The following LY75 variants were observed in gnomAD, a reference collection of about 807,000 sequenced individuals.
LY75 encodes C-type lectin domain family 13 member B.
In LY75, 185 loss-of-function variants were observed where a neutral mutation model predicts 231.7. That is an observed-to-expected ratio of 0.80 (90% CI 0.71 to 0.90). The LOEUF (loss-of-function observed/expected upper bound fraction) is 0.90, where lower values mean the gene tolerates loss of function less well. Among genes scored for constraint, LY75 ranks in the 40% least tolerant of loss-of-function variants. LY75 has a pLI of 0.00. For missense variants in LY75, 1,947 were observed against 2,050.2 expected, an observed-to-expected ratio of 0.95 and a Z score of 0.97; for synonymous variants, 668 against 689.0, an observed-to-expected ratio of 0.97 and a Z score of 0.48.
intron 1 of LY75, among the ~76,000 whole-genome samples, 175 bp from the exon 2 acceptor site, chr2:159,899,234 G>A (rs1348200225): frequency 1.3e-5 from 2 of 152,202 alleles, no homozygotes; most frequent in East Asian, 3.8e-4. Context: ...AGGCAGTGCA[G>A]TGTGTAGGGT....
At chr2:159,848,366 AG>A (rs1213088555) in intron 23 of LY75, among the ~76,000 whole-genome samples, 3 of 152,050 alleles carry the variant, frequency 2.0e-5, no homozygotes, top group South Asian at 2.1e-4. Flanking sequence ...GAGGATGCAA[AG>A]GCATAAGAAT....
At chr2:159,831,818 C>G (rs201141565) in intron 27 of LY75, 32 bp from the exon 28 acceptor site, 2 of 1,553,100 alleles carry the variant, frequency 1.3e-6, no homozygotes, top group East Asian at 4.5e-5. Context: ...ATAATTTTAA[C>G]AATTACTTAT....
chr2:159,813,593 A>G (rs1683031483), intron 31 of LY75, among the ~76,000 whole-genome samples: 2 of 152,068 alleles, frequency 1.3e-5, no homozygotes, highest in Admixed American at 6.5e-5. Context: ...TGTCACTGCA[A>G]TCTCAGCCTT....
intron 13 of LY75, among the ~76,000 whole-genome samples, chr2:159,869,286 C>G (rs1684941899): frequency 6.6e-6 from 1 of 150,620 alleles, no homozygotes; most frequent in South Asian, 2.1e-4. Context: ...TACCCTAGAA[C>G]TTAAAGTATA....
At chr2:159,834,267 G>A (rs1465608882) in intron 26 of LY75, 56 bp from the exon 27 acceptor site, 36 of 1,599,614 alleles carry the variant, frequency 2.3e-5, no homozygotes, top group South Asian at 3.4e-5. Context: ...GTTAAATCCT[G>A]TTTGCAGTCA....
chr2:159,815,356 A>G, intron 31 of LY75, 49 bp downstream of exon 31: 3 of 1,541,256 alleles, frequency 1.9e-6, no homozygotes, highest in Non-Finnish European at 2.6e-6. Flanking sequence ...ATGTGCATAA[A>G]TTATGTCACA....
At chr2:159,808,297 A>T in intron 33 of LY75, 152 bp downstream of exon 33, 1 of 1,367,608 alleles carries the variant, frequency 7.3e-7, no homozygotes, top group Non-Finnish European at 9.8e-7. Flanking sequence ...TTCAAAATTT[A>T]TAACCATCCA....
intron 8 of LY75, among the ~76,000 whole-genome samples, 186 bp downstream of exon 8, chr2:159,880,897 C>G (rs1457610254): frequency 6.6e-6 from 1 of 152,148 alleles, no homozygotes; most frequent in Non-Finnish European, 1.5e-5. Context: ...CTTGCTTACC[C>G]GCCGCTCACC....
At chr2:159,868,312 A>C (rs1216184411) in intron 13 of LY75, among the ~76,000 whole-genome samples, 1 of 152,164 alleles carries the variant, frequency 6.6e-6, no homozygotes, top group Non-Finnish European at 1.5e-5. Context: ...CTGTTTTCTA[A>C]ATTCAATGTG....
chr2:159,855,751 A>T (rs570589479), intron 16 of LY75, among the ~76,000 whole-genome samples: 21 of 152,302 alleles, frequency 1.4e-4, no homozygotes, highest in African/African-American at 4.8e-4. Flanking sequence ...AGGCACAGGG[A>T]AGTTCCCCAT....
In LY75 at chr2:159,816,799, G is replaced by A; in HGVS notation, c.4380+7C>T. On this transcript the variant is annotated splice_region_variant and intron_variant, in intron 30 of 34. Coordinates refer to ENST00000263636, the MANE Select transcript of LY75 (RefSeq NM_002349.4). ...GAAAAGTTTCTGGAAAACGAAGCAA[G>A]ACTTACATCATGACTTGAGAGCCCA... The A allele has an allele frequency of 6.2e-7, 1 of 1,611,912 alleles. No individual in the cohort carries two copies. The highest frequency in any genetic ancestry group is 1.1e-5 in the South Asian group (1 of 90,866).
Position 159,838,949 on chromosome 2 carries a change from T to C in LY75, c.3507+1780A>G, listed in dbSNP as rs188098616. Among the ~76,000 whole-genome samples the C allele has an allele frequency of 5.4e-3, 821 of 152,138 alleles. 9 individuals are homozygous for C. The highest frequency in any genetic ancestry group is 0.019 in the African/African-American group (785 of 41,512). ...TAGCTGGGGTTACAGACGCCCGCCATGATACCCAGCTAATTTTTGTATTTT... is the reference window on the plus strand; with the variant it reads ...TAGCTGGGGTTACAGACGCCCGCCACGATACCCAGCTAATTTTTGTATTTT... On this transcript the variant is annotated intron_variant, in intron 25 of 34. Coordinates refer to ENST00000263636, the MANE Select transcript of LY75 (RefSeq NM_002349.4).
In LY75 at chr2:159,817,822, G is replaced by C. The variant is rs1415396495; in HGVS notation, c.4154-790C>G. 1.3e-3 allele frequency among the ~76,000 whole-genome samples: 204 copies of C among 152,050 alleles called. 1 individual carries two copies. The highest frequency in any genetic ancestry group is 3.5e-4 in the Non-Finnish European group (24 of 67,958). On this transcript the variant is annotated intron_variant, in intron 29 of 34. Transcript: ENST00000263636. ...CAGCATTTTGGGAGGCCAAGGCGGG[G>C]GGATCACCTGAGGTCAGGAGTTCAA... is the stretch of plus-strand genomic sequence containing the variant.
chr2:159,849,086 A>T (rs2125852915), intron 23 of LY75, among the ~76,000 whole-genome samples: 2 of 152,314 alleles, frequency 1.3e-5, no homozygotes, highest in South Asian at 4.1e-4. Flanking sequence ...TAACTTCCAC[A>T]TCTTCTATAA....
chr2:159,816,950 C>A lies in LY75; in HGVS notation c.4236G>T (p.Lys1412Asn). The stretch of plus-strand genomic sequence containing the variant: ...TGTTTAATGCTTCATACCATGTTAC[C>A]TTTTTTTGAATAACACTGTAAATAC... ...EDGIYSVIQK[K>N]VTWYEALNMC... The change falls in exon 30 of 35, where the codon AAG becomes AAT. Residue 1412 changes from lysine (K) to asparagine (N), a missense_variant. Transcript: ENST00000263636. The A allele has an allele frequency of 6.2e-7, 1 of 1,614,070 alleles. No individual in the cohort carries two copies. Among genetic ancestry groups the A allele is most frequent in the Non-Finnish European group, 8.5e-7 (1 of 1,179,992 alleles).
chr2:159,832,416 T>C (rs1683691387), intron 27 of LY75, among the ~76,000 whole-genome samples: 1 of 152,200 alleles, frequency 6.6e-6, no homozygotes, highest in Admixed American at 6.5e-5. Flanking sequence ...TAAGGTCTGA[T>C]GATCTGAGGT....
intron 12 of LY75, 52 bp downstream of exon 12, chr2:159,875,391 AG>A: frequency 1.9e-6 from 3 of 1,587,944 alleles, no homozygotes; most frequent in African/African-American, 1.3e-5. Flanking sequence ...GACATGAACA[AG>A]GGTAGTGGAA....
intron 29 of LY75, among the ~76,000 whole-genome samples, chr2:159,818,287 C>G (rs1159454592): frequency 1.3e-5 from 2 of 152,014 alleles, no homozygotes; most frequent in Non-Finnish European, 2.9e-5. Context: ...CAAACACTAC[C>G]TTGGGCCAGG....
At position 159,825,983 on chromosome 2, in the gene LY75, A is replaced by T. The variant is rs556353089; in HGVS notation, c.3958+5687T>A. ...AAATAATAAGAGCTATTCATGATAA[A>T]CCCACAGCCAGTATCATACTGAATG... is the stretch of plus-strand genomic sequence containing the variant. On this transcript the variant is annotated intron_variant, in intron 28 of 34. Coordinates refer to ENST00000263636, the MANE Select transcript of LY75 (RefSeq NM_002349.4). Among the ~76,000 whole-genome samples the T allele has an allele frequency of 6.6e-5, 10 of 152,302 alleles. No individual in the cohort carries two copies. In the East Asian group the frequency reaches 1.9e-3, roughly 29 times the overall value.
Sources: allele counts gnomAD v4.1 joint callset (sites outside exome capture counted in the v4.1 genomes callset), GRCh38; gene constraint gnomAD v4.1.1; transcripts MANE v1.5; gene names NCBI Gene and HGNC (gene_info 2026-07-23, HGNC 2026-07-21).